The following SGCZ variants were observed in gnomAD, a reference collection of about 807,000 sequenced individuals.
SGCZ encodes zeta-sarcoglycan.
In SGCZ, 40 loss-of-function variants were observed where a neutral mutation model predicts 41.3. That is an observed-to-expected ratio of 0.97 (90% CI 0.75 to 1.26). The LOEUF (loss-of-function observed/expected upper bound fraction) is 1.26. Among genes scored for constraint, SGCZ ranks in the 50% most tolerant of loss-of-function variants. The probability of loss-of-function intolerance (pLI) is 0.00; values close to 1 mark genes in which losing one functional copy is unlikely to be tolerated. For missense variants in SGCZ, 552 were observed against 369.8 expected, an observed-to-expected ratio of 1.49 and a Z score of -4.04; for synonymous variants, 206 against 137.5, an observed-to-expected ratio of 1.50 and a Z score of -3.49.
chr8:14,106,699 T>C (rs1288872745), intron 6 of SGCZ, among the ~76,000 whole-genome samples: 2 of 152,222 alleles, frequency 1.3e-5, no homozygotes, highest in Non-Finnish European at 2.9e-5. Context: ...AAAAAGGTTT[T>C]GTAACTTAAT....
chr8:14,803,867 C>T lies in SGCZ; in HGVS notation c.40-248941G>A, dbSNP rs918909764. On this transcript the variant is annotated intron_variant, in intron 1 of 7. Transcript: ENST00000382080. ...CAAGAGAGCAGTGGTTCTCCCAGCACGCAGCTGGAGATCTGAGAACGGGCA... is the reference window on the plus strand; with the variant it reads ...CAAGAGAGCAGTGGTTCTCCCAGCATGCAGCTGGAGATCTGAGAACGGGCA... 2.9e-4 allele frequency among the ~76,000 whole-genome samples: 28 copies of T among 96,118 alleles called. 2 individuals are homozygous for T. Among genetic ancestry groups the T allele is most frequent in the East Asian group, 7.3e-4 (2 of 2,748 alleles). 63.1% of individuals were successfully genotyped at this position (96,118 alleles called of 152,430 possible).
At chr8:14,458,244 A>G (rs542454446) in intron 2 of SGCZ, among the ~76,000 whole-genome samples, 251 of 152,342 alleles carry the variant, frequency 1.6e-3, no homozygotes, top group Non-Finnish European at 3.1e-3. Context: ...GAAACTAGCT[A>G]TATTACAAAT....
intron 2 of SGCZ, among the ~76,000 whole-genome samples, chr8:14,528,462 T>G (rs1462197285): frequency 6.6e-6 from 1 of 152,114 alleles, no homozygotes; most frequent in East Asian, 1.9e-4. Flanking sequence ...CAGCATGGTA[T>G]AGAGTTATAT....
chr8:14,497,642 T>C (rs566503359), intron 2 of SGCZ, among the ~76,000 whole-genome samples: 1 of 152,038 alleles, frequency 6.6e-6, no homozygotes, highest in Non-Finnish European at 1.5e-5. Flanking sequence ...GTGTATTTTA[T>C]GTGTGGCCCA....
chr8:14,182,476 T>C (rs573648224), intron 4 of SGCZ, among the ~76,000 whole-genome samples: 1 of 152,112 alleles, frequency 6.6e-6, no homozygotes, highest in East Asian at 2.0e-4. Flanking sequence ...CATCCAGGAG[T>C]GCCCTGTATG....
intron 1 of SGCZ, among the ~76,000 whole-genome samples, chr8:14,817,804 A>G (rs1801953419): frequency 6.6e-6 from 1 of 152,148 alleles, no homozygotes; most frequent in Non-Finnish European, 1.5e-5. Flanking sequence ...GCAAACCAGC[A>G]CACAGCTACA....
intron 1 of SGCZ, among the ~76,000 whole-genome samples, chr8:14,897,425 T>C (rs1189606613): frequency 1.3e-5 from 2 of 152,294 alleles, no homozygotes; most frequent in East Asian, 1.9e-4. Flanking sequence ...CCTCTTAAAC[T>C]TGATGCCGAG....
rs268378 is a variant in SGCZ at position 15,151,930 on chromosome 8, T to C, written c.39+85655A>G. 2.2e-3 allele frequency among the ~76,000 whole-genome samples: 335 copies of C among 152,218 alleles called. 2 individuals are homozygous for C. The highest frequency in any genetic ancestry group is 7.5e-3 in the African/African-American group (312 of 41,540). On this transcript the variant is annotated intron_variant, in intron 1 of 7. Coordinates refer to ENST00000382080, the MANE Select transcript of SGCZ (RefSeq NM_139167.4). ...TAATCCATGTGTAAACCACATACACTAAGGGGAAAAAAAGATTTGAAAAGC... is the reference window on the plus strand; with the variant it reads ...TAATCCATGTGTAAACCACATACACCAAGGGGAAAAAAAGATTTGAAAAGC...
intron 4 of SGCZ, among the ~76,000 whole-genome samples, chr8:14,183,979 C>A (rs957462982): frequency 6.6e-6 from 1 of 152,038 alleles, no homozygotes; most frequent in Non-Finnish European, 1.5e-5. Flanking sequence ...AACTTAGCAA[C>A]GTCTCTGAAT....
intron 2 of SGCZ, among the ~76,000 whole-genome samples, chr8:14,458,879 T>C (rs1800822737): frequency 6.6e-6 from 1 of 152,058 alleles, no homozygotes; most frequent in Admixed American, 6.5e-5. Flanking sequence ...CTAGAGCTTC[T>C]TGGAGAAGTT....
chr8:14,719,947 G>A (rs191041576), intron 1 of SGCZ, among the ~76,000 whole-genome samples: 2 of 152,010 alleles, frequency 1.3e-5, no homozygotes, highest in African/African-American at 4.8e-5. Flanking sequence ...TGTCCTGAAT[G>A]GTAACGCCTA....
At chr8:14,102,076 T>G in intron 7 of SGCZ, among the ~76,000 whole-genome samples, 1 of 119,908 alleles carries the variant, frequency 8.3e-6, no homozygotes, top group Admixed American at 8.6e-5. Context: ...TTGGCTAACT[T>G]TATATATATA....
chr8:14,245,397 G>C (rs1265278809), intron 3 of SGCZ, among the ~76,000 whole-genome samples: 1 of 152,150 alleles, frequency 6.6e-6, no homozygotes, highest in African/African-American at 2.4e-5. Context: ...GCCATATGTA[G>C]AAAGCTGAAA....
intron 1 of SGCZ, among the ~76,000 whole-genome samples, chr8:14,857,624 A>C (rs994751906): frequency 6.6e-6 from 1 of 152,134 alleles, no homozygotes; most frequent in Admixed American, 6.6e-5. Flanking sequence ...AGCACTTTGC[A>C]AGGCTAAGGC....
rs564386615 is a variant in SGCZ, at chr8:14,347,421, A to G, written c.235-23217T>C. Among the ~76,000 whole-genome samples the G allele has an allele frequency of 2.6e-3, 390 of 152,204 alleles. 1 individual carries two copies. The highest frequency in any genetic ancestry group is 4.5e-3 in the Non-Finnish European group (305 of 67,980). ...TTGTTCTCCATATGTGATTAATTGC[A>G]TTAGAAATTTAGTAACAGGAAAAAA... On this transcript the variant is annotated intron_variant, in intron 2 of 7. Transcript: ENST00000382080.
intron 1 of SGCZ, among the ~76,000 whole-genome samples, chr8:15,037,362 T>C (rs565805345): frequency 1.1e-4 from 17 of 152,322 alleles, no homozygotes; most frequent in African/African-American, 4.1e-4. Context: ...TTGCTTCCCC[T>C]TCAGCCAGAA....
intron 2 of SGCZ, among the ~76,000 whole-genome samples, chr8:14,518,973 G>A (rs1227324743): frequency 6.6e-6 from 1 of 150,796 alleles, no homozygotes; most frequent in Non-Finnish European, 1.5e-5. Context: ...GGAGGCTGAG[G>A]CAGGAGAATC....
At chr8:15,079,528 A>T (rs946847399) in intron 1 of SGCZ, among the ~76,000 whole-genome samples, 3 of 152,224 alleles carry the variant, frequency 2.0e-5, no homozygotes, top group Admixed American at 2.0e-4. Context: ...TGCCTTGAGA[A>T]TTTAGTAACT....
intron 1 of SGCZ, among the ~76,000 whole-genome samples, chr8:14,662,434 T>C (rs1042703493): frequency 1.3e-5 from 2 of 152,184 alleles, no homozygotes; most frequent in Admixed American, 6.6e-5. Flanking sequence ...GTGAGGCTCC[T>C]AATGAATATT....
Sources: allele counts gnomAD v4.1 joint callset (sites outside exome capture counted in the v4.1 genomes callset), GRCh38; gene constraint gnomAD v4.1.1; transcripts MANE v1.5; gene names NCBI Gene and HGNC (gene_info 2026-07-23, HGNC 2026-07-21).